Variants in BNC2 observed in about 807,000 individuals in gnomAD.
BNC2 encodes zinc finger protein basonuclin-2.
BNC2 carries 20 observed loss-of-function variants against 76.3 expected under a neutral mutation model. The ratio of observed to expected loss-of-function variants is 0.26; its 90% CI spans 0.18 to 0.38. The LOEUF (loss-of-function observed/expected upper bound fraction) is 0.38, where lower values mean the gene tolerates loss of function less well. Among genes scored for constraint, BNC2 ranks in the 10% least tolerant of loss-of-function variants. BNC2 has a pLI of 1.00. For synonymous variants in BNC2, 582 were observed against 514.8 expected (o/e 1.13, Z -1.77); for missense variants, 1,382 against 1,399.8 (o/e 0.99, Z 0.20).
At chr9:16,643,957 G>C (rs1168599837) in intron 3 of BNC2, among the ~76,000 whole-genome samples, 2 of 152,090 alleles carry the variant, frequency 1.3e-5, no homozygotes, top group Non-Finnish European at 2.9e-5. Flanking sequence ...AAGAACCTAT[G>C]GGAGGTGTGG....
At chr9:16,794,216 G>GT (rs1817587851) in intron 1 of BNC2, among the ~76,000 whole-genome samples, 1 of 152,100 alleles carries the variant, frequency 6.6e-6, no homozygotes, top group African/African-American at 2.4e-5. Context: ...GCAGTGATGT[G>GT]TTTTTTATTC....
intron 6 of BNC2, chr9:16,431,546 A>G: frequency 2.2e-6 from 1 of 447,302 alleles, no homozygotes; most frequent in Admixed American, 2.4e-5. Context: ...GTTCCTTAAC[A>G]GAACAGCACC....
intron 3 of BNC2, among the ~76,000 whole-genome samples, chr9:16,710,721 G>A (rs1178293540): frequency 1.3e-5 from 2 of 151,822 alleles, no homozygotes; most frequent in Admixed American, 1.3e-4. Context: ...TATCATTATG[G>A]TACCATTAAT....
chr9:16,542,466 A>G (rs1165059978), intron 5 of BNC2, among the ~76,000 whole-genome samples: 1 of 152,166 alleles, frequency 6.6e-6, no homozygotes, highest in Non-Finnish European at 1.5e-5. Context: ...AAATGAAAAA[A>G]CTTCCTAGAT....
At chr9:16,734,888 T>C (rs1447325561) in intron 2 of BNC2, among the ~76,000 whole-genome samples, 4 of 152,128 alleles carry the variant, frequency 2.6e-5, no homozygotes, top group Non-Finnish European at 4.4e-5. Context: ...ACAAACATCC[T>C]CCATAACTAA....
At chr9:16,516,550 G>A (rs1297593758) in intron 5 of BNC2, among the ~76,000 whole-genome samples, 2 of 152,054 alleles carry the variant, frequency 1.3e-5, no homozygotes, top group Non-Finnish European at 2.9e-5. Flanking sequence ...TACAGGGTGA[G>A]AACTCAAAGA....
chr9:16,685,585 C>G, intron 3 of BNC2: 5 of 1,304,280 alleles, frequency 3.8e-6, no homozygotes, highest in Non-Finnish European at 5.1e-6. Flanking sequence ...CAGGTTTGGG[C>G]AGAAGTCTGC....
At chr9:16,572,306 C>T (rs932800022) in intron 4 of BNC2, among the ~76,000 whole-genome samples, 7 of 152,146 alleles carry the variant, frequency 4.6e-5, no homozygotes, top group African/African-American at 1.7e-4. Context: ...CAGAGGGAAA[C>T]AGCAAAGGTG....
chr9:16,751,634 G>GTGTGTA (rs1563926890), intron 1 of BNC2, among the ~76,000 whole-genome samples: 158 of 8,554 alleles, frequency 0.018, 2 homozygotes, highest in East Asian at 0.07. Flanking sequence ...ATATATGTAT[G>GTGTGTA]TATATATGTA....
chr9:16,512,414 T>C (rs911182275), intron 5 of BNC2, among the ~76,000 whole-genome samples: 1 of 152,104 alleles, frequency 6.6e-6, no homozygotes, highest in Non-Finnish European at 1.5e-5. Context: ...TCTGCCTCCG[T>C]GGCATAACCT....
At chr9:16,774,423 AC>A (rs1418064227) in intron 1 of BNC2, among the ~76,000 whole-genome samples, 1 of 152,200 alleles carries the variant, frequency 6.6e-6, no homozygotes. Context: ...AATTTCTGTA[AC>A]CACCTCCTTT....
intron 3 of BNC2, among the ~76,000 whole-genome samples, chr9:16,677,500 G>A (rs1311114195): frequency 2.0e-5 from 3 of 151,798 alleles, no homozygotes; most frequent in Admixed American, 6.6e-5. Flanking sequence ...TTGGACCTCG[G>A]AGGTGGAGGT....
intron 3 of BNC2, among the ~76,000 whole-genome samples, chr9:16,695,034 T>C (rs1037619333): frequency 1.3e-5 from 2 of 152,116 alleles, no homozygotes; most frequent in African/African-American, 2.4e-5. Flanking sequence ...GAAGATAAAG[T>C]CAAAGGGAGT....
chr9:16,741,485 G>T lies in BNC2; in HGVS notation c.4-3000C>A, dbSNP rs555881327. On this transcript the variant is annotated intron_variant, in intron 1 of 6. Transcript: ENST00000380672. ...AAAAAATGAAACTCTGAATCAGTAA[G>T]AAATGAGTAACAGAAATGGCAAATA... is the stretch of plus-strand genomic sequence containing the variant. Among the ~76,000 whole-genome samples, 4 of 151,906 alleles carry T rather than the reference G, an allele frequency of 2.6e-5. No homozygotes were observed. The South Asian group carries it at 8.3e-4, about 32-fold the overall frequency.
chr9:16,752,945 T>C (rs1287822594), intron 1 of BNC2, among the ~76,000 whole-genome samples: 1 of 152,230 alleles, frequency 6.6e-6, no homozygotes, highest in Non-Finnish European at 1.5e-5. Context: ...CACAGTTTAA[T>C]ATGATTAAAA....
At chr9:16,665,364 C>G (rs749645233) in intron 3 of BNC2, among the ~76,000 whole-genome samples, 36 of 79,242 alleles carry the variant, frequency 4.5e-4, no homozygotes, top group Middle Eastern at 8.6e-3. Flanking sequence ...GAGTGAACCT[C>G]TGTCTCAAAA....
At chr9:16,467,859 AT>A (rs963833454) in intron 5 of BNC2, among the ~76,000 whole-genome samples, 39 of 150,914 alleles carry the variant, frequency 2.6e-4, no homozygotes, top group African/African-American at 8.8e-4. Flanking sequence ...AAAAAAAAAA[AT>A]GCCATCTTCT....
intron 5 of BNC2, among the ~76,000 whole-genome samples, chr9:16,538,118 C>T (rs545714767): frequency 6.6e-6 from 1 of 152,190 alleles, no homozygotes; most frequent in African/African-American, 2.4e-5. Flanking sequence ...AGCCTGGATC[C>T]AGGTGTAAGG....
At chr9:16,840,962 A>G (rs1818809057) in intron 1 of BNC2, among the ~76,000 whole-genome samples, 1 of 152,120 alleles carries the variant, frequency 6.6e-6, no homozygotes, top group African/African-American at 2.4e-5. Context: ...CTGAAATCCC[A>G]CCAGTTCCAC....
Sources: gnomAD v4.1 joint callset for allele counts (sites outside exome capture counted in the v4.1 genomes callset) on GRCh38, gnomAD v4.1.1 for gene constraint, MANE v1.5 for transcripts, NCBI Gene and HGNC (gene_info 2026-07-23, HGNC 2026-07-21) for gene names.